DST: variants seen among roughly 807,000 people sequenced by gnomAD.
DST encodes bullous pemphigoid antigen.
Under a neutral mutation model 875.2 loss-of-function variants are expected in DST, and 253 were observed. The ratio of observed to expected loss-of-function variants is 0.29; its 90% confidence interval spans 0.26 to 0.32. DST has a LOEUF of 0.32. Among genes scored for constraint, DST ranks in the 10% least tolerant of loss-of-function variants. DST has a pLI of 1.00. For synonymous variants in DST, 3,124 were observed against 3,197.1 expected, an observed-to-expected ratio of 0.98 and a Z score of 0.77; for missense variants, 8,287 against 9,111.6, an observed-to-expected ratio of 0.91 and a Z score of 3.68.
chr6:56,623,353 G>C (rs1413302119), intron 36 of DST, among the ~76,000 whole-genome samples: 1 of 152,006 alleles, frequency 6.6e-6, no homozygotes, highest in Admixed American at 6.5e-5. Flanking sequence ...CATTTAAAAT[G>C]GAATAAGATC....
chr6:56,571,059 C>A (rs180768089), intron 53 of DST, among the ~76,000 whole-genome samples: 152 of 152,286 alleles, frequency 1.0e-3, no homozygotes, highest in Admixed American at 2.0e-3. Context: ...TTCATGTGTG[C>A]CTCCCCTACA....
chr6:56,542,349 G>C (rs1224967729), intron 61 of DST, among the ~76,000 whole-genome samples: 1 of 131,684 alleles, frequency 7.6e-6, no homozygotes, highest in Admixed American at 8.7e-5. Flanking sequence ...AAAAACACCA[G>C]ACTTTTAGAC....
At position 56,714,315 on chromosome 6, in the gene DST, C is replaced by T. The variant is rs2099387628; in HGVS notation, c.688-9946G>A. Among the ~76,000 whole-genome samples the T allele has an allele frequency of 6.6e-6, 1 of 152,164 alleles. No individual in the cohort carries two copies. The highest frequency in any genetic ancestry group is 2.1e-4 in the South Asian group (1 of 4,838). Reference sequence around the variant, plus strand: ...AATTAATCTCTGCAACAGAAATATACTTTCTGTAGGAGGATTAAAAGTTTC... The same window carrying T: ...AATTAATCTCTGCAACAGAAATATATTTTCTGTAGGAGGATTAAAAGTTTC... On this transcript the variant is annotated intron_variant, in intron 5 of 103. Coordinates refer to ENST00000680361, the MANE Select transcript of DST (RefSeq NM_001374736.1). The surrounding 1 kb of genome is among the most constrained non-coding windows in gnomAD (Gnocchi z 4.5).
chr6:56,832,341 C>G (rs983307595), intron 4 of DST, among the ~76,000 whole-genome samples: 4 of 152,052 alleles, frequency 2.6e-5, no homozygotes, highest in Admixed American at 2.6e-4. Context: ...CTAGAACTTA[C>G]TAGTTCTAGT....
intron 49 of DST, among the ~76,000 whole-genome samples, chr6:56,589,007 A>G (rs371616200): frequency 7.5e-4 from 115 of 152,370 alleles, no homozygotes; most frequent in African/African-American, 2.6e-3. Context: ...GTTTATTCAT[A>G]TAACATGGTT....
In DST at chr6:56,954,739, T is replaced by G. The variant is rs973744767; in HGVS notation, c.-152A>C. 24 of 263,598 alleles carry G rather than the reference T, an allele frequency of 9.1e-5. No individual in the cohort carries two copies. Among genetic ancestry groups the G allele is most frequent in the East Asian group, 1.8e-4 (1 of 5,642 alleles). The allele number at this position is 263,598 out of a possible 1,614,324, so 16.3% of individuals were successfully genotyped here. ...GCGGCCCCGCGCCCAGCCCAATGGCTGCGCACCCCGCGCCAGCCGCGCTAC... is the reference window on the plus strand; with the variant it reads ...GCGGCCCCGCGCCCAGCCCAATGGCGGCGCACCCCGCGCCAGCCGCGCTAC... On this transcript the variant is annotated 5_prime_UTR_variant, in exon 1 of 104. Transcript: ENST00000680361.
intron 69 of DST, among the ~76,000 whole-genome samples, chr6:56,520,736 A>G (rs1323878092): frequency 1.3e-5 from 2 of 151,806 alleles, no homozygotes; most frequent in Non-Finnish European, 2.9e-5. Context: ...ATATTAAATA[A>G]AAAAAATTTT....
chr6:56,571,776 T>C (rs2097785175), intron 53 of DST, among the ~76,000 whole-genome samples: 1 of 152,214 alleles, frequency 6.6e-6, no homozygotes, highest in South Asian at 2.1e-4. Context: ...CCTTTGCAAA[T>C]AAAAATGTGA....
chr6:56,609,598 C>T lies in DST; in HGVS notation c.5284-254G>A, dbSNP rs547125952. ...CATCTGTGAATTGAAAACTTGATAT[C>T]GTGTATATTGACAAGGTTAGTGAGG... On this transcript the variant is annotated intron_variant, in intron 39 of 103. Coordinates refer to ENST00000680361, the MANE Select transcript of DST (RefSeq NM_001374736.1). Among the ~76,000 whole-genome samples the T allele has an allele frequency of 2.4e-4, 37 of 152,142 alleles. No individual in the cohort carries two copies. The South Asian group carries it at 7.3e-3, about 30-fold the overall frequency.
chr6:56,812,514 A>T (rs369401073), intron 4 of DST, among the ~76,000 whole-genome samples: 6 of 152,332 alleles, frequency 3.9e-5, no homozygotes, highest in Admixed American at 3.9e-4. Flanking sequence ...AAGGGATGAA[A>T]TATTTCAAAT....
intron 3 of DST, among the ~76,000 whole-genome samples, chr6:56,883,856 AATT>A (rs1273198097): frequency 6.6e-6 from 1 of 152,112 alleles, no homozygotes; most frequent in Non-Finnish European, 1.5e-5. Flanking sequence ...AAAAGATAAT[AATT>A]ATTTTTAATA....
At chr6:56,824,709 G>A (rs571674378) in intron 4 of DST, among the ~76,000 whole-genome samples, 22 of 152,250 alleles carry the variant, frequency 1.4e-4, no homozygotes, top group Admixed American at 5.2e-4. Context: ...CATCTGAGAA[G>A]TGAGGAGACC....
Position 56,719,160 on chromosome 6 carries a change from A to G in DST, c.688-14791T>C, listed in dbSNP as rs2099405359. Among the ~76,000 whole-genome samples, 3 of 152,244 alleles carry G rather than the reference A, an allele frequency of 2.0e-5. No individual in the cohort carries two copies. The South Asian group carries it at 6.2e-4, about 31-fold the overall frequency. ...AAAATATCTGTATCTGTCAAAATTCAATAAAAATTAATAATGGTTCCCAGA... is the reference window on the plus strand; with the variant it reads ...AAAATATCTGTATCTGTCAAAATTCGATAAAAATTAATAATGGTTCCCAGA... On this transcript the variant is annotated intron_variant, in intron 5 of 103. Coordinates refer to ENST00000680361, the MANE Select transcript of DST (RefSeq NM_001374736.1).
Position 56,526,390 on chromosome 6 carries a change from T to A in DST, c.18100A>T (p.Ile6034Phe), listed in dbSNP as rs1474265526. The A allele has an allele frequency of 6.8e-6, 11 of 1,613,800 alleles. No homozygotes were observed. The South Asian group carries it at 1.1e-4, about 16-fold the overall frequency. The change falls in exon 69 of 104, where the codon ATC becomes TTC. Residue 6034 changes from isoleucine (I) to phenylalanine (F), a missense_variant. Ile to Phe is a conservative substitution (Grantham distance 21). Transcript: ENST00000680361. The stretch of plus-strand genomic sequence containing the variant: ...TGTGATCGCAGAATGGCTGCATCGA[T>A]CTCCTCCACCTTCTGAGTGATGGTG... ...SDTITQKVEE[I>F]DAAILRSQQF...
chr6:56,660,419 C>T (rs1005635685), intron 10 of DST, among the ~76,000 whole-genome samples: 1 of 152,172 alleles, frequency 6.6e-6, no homozygotes, highest in Non-Finnish European at 1.5e-5. Context: ...GAACAACCCA[C>T]ACAGAGGTGA....
chr6:56,827,856 T>G (rs919878773), intron 4 of DST, among the ~76,000 whole-genome samples: 2 of 152,192 alleles, frequency 1.3e-5, no homozygotes, highest in African/African-American at 2.4e-5. Context: ...ATCTAAAAGC[T>G]TCTGTCTCCC....
intron 53 of DST, 116 bp downstream of exon 53, chr6:56,571,984 C>T (rs1268141942): frequency 8.9e-6 from 4 of 447,614 alleles, no homozygotes; most frequent in African/African-American, 8.2e-5. Flanking sequence ...ATAAAGTAGC[C>T]CTATGCTTAT....
intron 5 of DST, among the ~76,000 whole-genome samples, chr6:56,715,961 A>G (rs1419835133): frequency 6.6e-6 from 1 of 152,098 alleles, no homozygotes; most frequent in Non-Finnish European, 1.5e-5. Context: ...TGAGTCTCAT[A>G]TTTGAAGGAC....
intron 87 of DST, among the ~76,000 whole-genome samples, 167 bp downstream of exon 87, chr6:56,486,937 A>G (rs2095590757): frequency 3.9e-5 from 6 of 152,148 alleles, no homozygotes; most frequent in Admixed American, 3.9e-4. Flanking sequence ...AATGAACAGC[A>G]AAGACTTCTC....
Sources: allele counts gnomAD v4.1 joint callset (sites outside exome capture counted in the v4.1 genomes callset), GRCh38; gene constraint gnomAD v4.1.1; non-coding constraint Gnocchi (gnomAD v3.1); transcripts MANE v1.5; gene names NCBI Gene and HGNC (gene_info 2026-07-23, HGNC 2026-07-21).